The following RIOK1 variants were observed in gnomAD, a reference collection of about 807,000 sequenced individuals.
RIOK1 encodes the protein serine/threonine-protein kinase RIO1.
A neutral mutation model predicts 73.5 loss-of-function variants in RIOK1; 66 were observed. The ratio of observed to expected loss-of-function variants is 0.90; its 90% CI spans 0.74 to 1.10. RIOK1 has a LOEUF of 1.10. RIOK1 is among the 50% of genes least tolerant of loss of function. The pLI is 0.00. For missense variants in RIOK1, 658 were observed against 699.8 expected (o/e 0.94, Z 0.67); for synonymous variants, 224 against 226.8 (o/e 0.99, Z 0.11).
At chr6:7,411,576 T>C in intron 14 of RIOK1, 125 bp downstream of exon 14, 1 of 976,360 alleles carries the variant, frequency 1.0e-6, no homozygotes, top group Non-Finnish European at 1.5e-6. Flanking sequence ...GTGAAATGAC[T>C]AACTCTATCT....
Position 7,395,133 on chromosome 6 carries a change from A to G in RIOK1, c.357A>G (p.Lys119=). 6.2e-7 allele frequency: 1 copy of G among 1,612,074 alleles called. No homozygotes were observed. Among genetic ancestry groups the G allele is most frequent in the Non-Finnish European group, 8.5e-7 (1 of 1,178,822 alleles). Reference sequence around the variant, plus strand: ...AGGTCTTACGGAAATTTGAGAATAAAATTAATTTAGGTGAGTTTACAAAAT... The same window carrying G: ...AGGTCTTACGGAAATTTGAGAATAAGATTAATTTAGGTGAGTTTACAAAAT... ...ADKVLRKFEN[K]INLDKLNVTD... The change falls in exon 3 of 17, where the codon AAA becomes AAG. Residue 119 remains lysine (K), a synonymous_variant. Transcript: ENST00000379834.
At chr6:7,407,430 G>A (rs944723376) in intron 12 of RIOK1, among the ~76,000 whole-genome samples, 11 of 151,786 alleles carry the variant, frequency 7.2e-5, no homozygotes, top group South Asian at 2.1e-4. Context: ...TACTAGTGAC[G>A]TTGAGCATCT....
At chr6:7,405,763 T>C (rs1345358356) in intron 12 of RIOK1, among the ~76,000 whole-genome samples, 2 of 150,876 alleles carry the variant, frequency 1.3e-5, no homozygotes, top group Non-Finnish European at 3.0e-5. Context: ...CAACAGCCAA[T>C]GGTAAAGCCA....
chr6:7,397,441 A>G (rs1761500909), intron 4 of RIOK1, among the ~76,000 whole-genome samples: 1 of 152,220 alleles, frequency 6.6e-6, no homozygotes, highest in Non-Finnish European at 1.5e-5. Flanking sequence ...CTTTCCCATG[A>G]AGTATTTTTA....
rs778652514 is a variant in RIOK1 at position 7,403,895 on chromosome 6, C to G, written c.768-46C>G. 6 of 1,337,984 alleles carry G rather than the reference C, an allele frequency of 4.5e-6. No homozygotes were observed. The African/African-American group carries it at 7.2e-5, about 16-fold the overall frequency. The allele number at this position is 1,337,984 out of a possible 1,614,324, so 82.9% of individuals were successfully genotyped here. A position where few individuals can be genotyped will look rare whatever the true frequency, so the allele number is the denominator to read the frequency against. ...CCTGCAGTTGTAATTTATTTAGATG[C>G]CTTTTCAACTTTTCAGTTGTCCTTT... On this transcript the variant is annotated intron_variant, in intron 8 of 16. Transcript: ENST00000379834.
intron 16 of RIOK1, among the ~76,000 whole-genome samples, chr6:7,414,610 A>G (rs772747275): frequency 5.9e-5 from 9 of 152,186 alleles, no homozygotes; most frequent in Non-Finnish European, 1.3e-4. Context: ...GCCTAGAGAG[A>G]GCACGCACTA....
Position 7,414,357 on chromosome 6 carries a change from G to C in RIOK1, c.1563G>C (p.Lys521Asn). 1 of 1,612,326 alleles carries C rather than the reference G, an allele frequency of 6.2e-7. No homozygotes were observed. The highest frequency in any genetic ancestry group is 1.1e-5 in the South Asian group (1 of 90,580). The change falls in exon 16 of 17, where the codon AAG (lysine) becomes AAC (asparagine). Residue 521 changes from lysine to asparagine, a missense_variant. By Grantham distance (94) the Lys-to-Asn change is moderately conservative (BLOSUM62 0). Coordinates refer to ENST00000379834, the MANE Select transcript of RIOK1 (RefSeq NM_031480.3). ...SEEQGDHARP[K>N]KHTTDPDIDK... ...AGCAGGGAGACCATGCCCGCCCCAA[G>C]AAACACACCACGGACCCTGACATTG...
At chr6:7,405,406 ATCTCTTATC>A (rs1761721444) in intron 12 of RIOK1, 51 bp downstream of exon 12, 2 of 1,058,442 alleles carry the variant, frequency 1.9e-6, no homozygotes, top group Non-Finnish European at 2.9e-6. Flanking sequence ...CAGGTGCAGT[ATCTCTTATC>A]TCAAGTGCTT....
rs1761540649 is a variant in RIOK1 at position 7,398,720 on chromosome 6, G to T, written c.460G>T (p.Asp154Tyr). 6.2e-7 allele frequency: 1 copy of T among 1,612,874 alleles called. No homozygotes were observed. Among genetic ancestry groups the T allele is most frequent in the Admixed American group, 1.7e-5 (1 of 59,922 alleles). Residue 154 changes from aspartate (D) to tyrosine (Y), a missense_variant, in exon 5 of 17, where the codon GAC becomes TAC. Asp to Tyr is a radical substitution (Grantham distance 160). Coordinates refer to ENST00000379834, the MANE Select transcript of RIOK1 (RefSeq NM_031480.3). ...ADMYRIKDKA[D>Y]RATVEQVLDP... ...TAGGTATCGCATCAAAGATAAGGCA[G>T]ACAGAGCAACTGTAGAACAGGTACA...
At chr6:7,410,501 G>GT (rs1181846178) in intron 13 of RIOK1, 50 bp downstream of exon 13, 1 of 1,325,688 alleles carries the variant, frequency 7.5e-7, no homozygotes, top group Non-Finnish European at 1.1e-6. Context: ...GTGTTTTGAG[G>GT]GTTTTTTTTT....
rs1431197938 is a variant in RIOK1 at position 7,393,239 on chromosome 6, AC to A, written c.213del (p.Trp72GlyfsTer51). ...EGYDDDDDDWDWDEGVGKLAK... is the reference protein window; with the variant it reads ...EGYDDDDDDWXWDEGVGKLAK... ...TATGACGATGATGATGATGACTGGG[AC>A]TGGGATGAAGGAGTTGGAAAACTCG... On this transcript the variant is annotated frameshift_variant, in exon 2 of 17. Transcript: ENST00000379834. LOFTEE classifies it high-confidence loss of function. 6.2e-7 allele frequency: 1 copy of A among 1,613,840 alleles called. No individual in the cohort carries two copies. Among genetic ancestry groups the A allele is most frequent in the African/African-American group, 1.3e-5 (1 of 74,916 alleles).
At chr6:7,403,424 T>C (rs1761662342) in intron 8 of RIOK1, among the ~76,000 whole-genome samples, 1 of 152,226 alleles carries the variant, frequency 6.6e-6, no homozygotes, top group African/African-American at 2.4e-5. Flanking sequence ...AAAGGCCTCA[T>C]CTAGTTGAGA....
In RIOK1 at chr6:7,389,970, C is replaced by T; in HGVS notation, c.-33C>T. 3 of 1,532,004 alleles carry T rather than the reference C, an allele frequency of 2.0e-6. No homozygotes were observed. Among genetic ancestry groups the T allele is most frequent in the Non-Finnish European group, 2.7e-6 (3 of 1,131,076 alleles). The allele number at this position is 1,532,004 out of a possible 1,614,324, so 94.9% of individuals were successfully genotyped here. On this transcript the variant is annotated 5_prime_UTR_variant, in exon 1 of 17. Coordinates refer to ENST00000379834, the MANE Select transcript of RIOK1 (RefSeq NM_031480.3). ...CCGTCTGAGCCGTTCCTTTCCATCG[C>T]AGAGCGGCGGCCTCCGGCGGCGCTC...
In RIOK1 at chr6:7,412,921, A is replaced by C; in HGVS notation, c.1422A>C (p.Lys474Asn). ...ACCAGACTGTTACAGGATTGAAGAA[A>C]GATTTGTCAGGAGTTCAGAAGGTAT... ...ILYQTVTGLK[K>N]DLSGVQKVPA... Residue 474 changes from lysine (K) to asparagine (N), a missense_variant, in exon 15 of 17, where the codon AAA (lysine) becomes AAC (asparagine). Transcript: ENST00000379834. 5 of 1,561,872 alleles carry C rather than the reference A, an allele frequency of 3.2e-6. No homozygotes were observed. The highest frequency in any genetic ancestry group is 4.3e-6 in the Non-Finnish European group (5 of 1,158,668).
intron 16 of RIOK1, among the ~76,000 whole-genome samples, chr6:7,415,622 T>C (rs368597092): frequency 2.2e-4 from 34 of 152,332 alleles, no homozygotes; most frequent in African/African-American, 7.5e-4. Flanking sequence ...TTCCAGTTGA[T>C]GGCACCATGT....
At chr6:7,411,206 A>T in intron 13 of RIOK1, 126 bp from the exon 14 acceptor site, 1 of 982,680 alleles carries the variant, frequency 1.0e-6, no homozygotes, top group East Asian at 2.5e-5. Flanking sequence ...CAGACAGCTT[A>T]GCCAAGCATC....
At chr6:7,396,658 T>C (rs781587928) in intron 3 of RIOK1, 45 bp from the exon 4 acceptor site, 38 of 1,218,816 alleles carry the variant, frequency 3.1e-5, no homozygotes, top group South Asian at 2.7e-4. Flanking sequence ...GTTAATGTCT[T>C]TTCGTCTTAC....
In RIOK1 at chr6:7,390,076, A is replaced by G. The variant is rs1249069833; in HGVS notation, c.71+3A>G. On this transcript the variant is annotated splice_donor_region_variant and intron_variant, in intron 1 of 16. Transcript: ENST00000379834. ...GACGACGCGGACTCCTCTGACAGGT[A>G]GGCGGCCGTACAGTGCCCTGGCTCT... 3 of 1,557,016 alleles carry G rather than the reference A, an allele frequency of 1.9e-6. No homozygotes were observed. The highest frequency in any genetic ancestry group is 2.4e-5 in the East Asian group (1 of 41,186).
chr6:7,411,880 A>G (rs896299249), intron 14 of RIOK1, among the ~76,000 whole-genome samples: 2 of 152,226 alleles, frequency 1.3e-5, no homozygotes, highest in African/African-American at 4.8e-5. Flanking sequence ...AGAGAAAAAA[A>G]TTCACCCTCA....
Sources: allele counts gnomAD v4.1 joint callset (sites outside exome capture counted in the v4.1 genomes callset), GRCh38; gene constraint gnomAD v4.1.1; transcripts MANE v1.5; gene names NCBI Gene and HGNC (gene_info 2026-07-23, HGNC 2026-07-21).